The following COL18A1 variants were observed in gnomAD, a reference collection of about 807,000 sequenced individuals.
COL18A1 encodes collagen type XVIII alpha 1 chain, also known as collagen alpha-1(XVIII) chain.
Under a neutral mutation model 168.0 loss-of-function variants are expected in COL18A1, and 133 were observed. The observed-to-expected ratio is 0.79, with a 90% CI of 0.69 to 0.91. The LOEUF is 0.91. Among genes scored for constraint, COL18A1 ranks in the 40% least tolerant of loss-of-function variants. The pLI is 0.00. For synonymous variants in COL18A1, 949 were observed against 809.0 expected (o/e 1.17, Z -2.94); for missense variants, 2,126 against 1,925.4 (o/e 1.10, Z -1.95).
At position 45,473,391 on chromosome 21, in the gene COL18A1, C is replaced by T. The variant is rs1013330594; in HGVS notation, c.652-504C>T. Among the ~76,000 whole-genome samples, 32 of 152,216 alleles carry T rather than the reference C, an allele frequency of 2.1e-4. No individual in the cohort carries two copies. The highest frequency in any genetic ancestry group is 4.4e-5 in the Non-Finnish European group (3 of 68,036). Reference sequence around the variant, plus strand: ...TCCCCTACATCTGCGGCGTTTCTGTCCTTGGCTTCTGGGTTTTGTTTTTGA... The same window carrying T: ...TCCCCTACATCTGCGGCGTTTCTGTTCTTGGCTTCTGGGTTTTGTTTTTGA... On this transcript the variant is annotated intron_variant, in intron 3 of 41. Coordinates refer to ENST00000651438, the MANE Select transcript of COL18A1 (RefSeq NM_001379500.1). This position sits in a 1 kb window ranked among gnomAD's most constrained non-coding sequence, Gnocchi z 4.0.
chr21:45,420,695 T>A (rs1052088377), intron 2 of COL18A1: 1 of 152,426 alleles, frequency 6.6e-6, no homozygotes, highest in Non-Finnish European at 1.5e-5. Flanking sequence ...CCCCAGCTCC[T>A]CCCCTCCTCA....
In COL18A1 at chr21:45,477,917, C is replaced by T. The variant is rs2035737383; in HGVS notation, c.1173C>T (p.Pro391=). ...ALQTVPGPQG[P]PGPPGRDGTP... Reference sequence around the variant, plus strand: ...AAACTGTCCCCGGACCACAAGGACCCCCAGGGCCTCCGGGGAGGGACGGCA... The same window carrying T: ...AAACTGTCCCCGGACCACAAGGACCTCCAGGGCCTCCGGGGAGGGACGGCA... Residue 391 remains proline (P), a synonymous_variant, in exon 8 of 42, where the codon CCC becomes CCT. Transcript: ENST00000651438. The T allele has an allele frequency of 5.7e-6, 9 of 1,565,710 alleles. No individual in the cohort carries two copies. Among genetic ancestry groups the T allele is most frequent in the African/African-American group, 4.1e-5 (3 of 73,628 alleles).
chr21:45,484,021 ACACATGCACACACACACCTCTCCAG>A (rs2035992298), intron 15 of COL18A1, among the ~76,000 whole-genome samples: 1 of 133,290 alleles, frequency 7.5e-6, no homozygotes, highest in South Asian at 2.5e-4. Flanking sequence ...CAGCATATGT[ACACATGCACACACACACCTCTCCAG>A]CATATGTACA....
In COL18A1 at chr21:45,510,092, T is replaced by C. The variant is rs2037488547; in HGVS notation, c.3524T>C (p.Leu1175Pro). 1.2e-5 allele frequency: 19 copies of C among 1,585,600 alleles called. No individual in the cohort carries two copies. Among genetic ancestry groups the C allele is most frequent in the Middle Eastern group, 2.0e-4 (1 of 5,112 alleles). ...CACCTGGTTGCGCTCAACAGCCCCCTGTCAGGCGGCATGCGGGGCATCCGC... is the reference window on the plus strand; with the variant it reads ...CACCTGGTTGCGCTCAACAGCCCCCCGTCAGGCGGCATGCGGGGCATCCGC... ...VLHLVALNSP[L>P]SGGMRGIRGA... is the part of the protein sequence containing the mutation. The change falls in exon 40 of 42, where the codon CTG (leucine) becomes CCG (proline). Residue 1175 changes from leucine to proline, a missense_variant. Physicochemically the swap from Leu to Pro is moderately conservative, Grantham distance 98 (BLOSUM62 -3). Coordinates refer to ENST00000651438, the MANE Select transcript of COL18A1 (RefSeq NM_001379500.1).
intron 18 of COL18A1, 80 bp from the exon 19 acceptor site, chr21:45,489,401 CACCCT>C (rs1162304605): frequency 7.8e-6 from 8 of 1,022,218 alleles, no homozygotes; most frequent in Non-Finnish European, 1.2e-5. Flanking sequence ...CTGGGTAACT[CACCCT>C]TCCCTTCACC....
In COL18A1 at chr21:45,443,568, G is replaced by A. The variant is rs190178147; in HGVS notation, c.107-24674G>A. Among the ~76,000 whole-genome samples, 317 of 152,202 alleles carry A rather than the reference G, an allele frequency of 2.1e-3. No homozygotes were observed. The highest frequency in any genetic ancestry group is 7.0e-3 in the African/African-American group (291 of 41,538). On this transcript the variant is annotated intron_variant, in intron 2 of 41. Transcript: ENST00000651438. This position sits in a 1 kb window ranked among gnomAD's most constrained non-coding sequence, Gnocchi z 5.2. ...GGTCTCTCGGGACCTAGGAGGTCCCGGGGTGTGGACTGTGCTGAACTGTTC... is the reference window on the plus strand; with the variant it reads ...GGTCTCTCGGGACCTAGGAGGTCCCAGGGTGTGGACTGTGCTGAACTGTTC...
At chr21:45,454,293 C>CCTGGGGACAG (rs375108367) in intron 2 of COL18A1, among the ~76,000 whole-genome samples, 5 of 152,116 alleles carry the variant, frequency 3.3e-5, no homozygotes, top group African/African-American at 9.7e-5. Flanking sequence ...CATGTCCTGA[C>CCTGGGGACAG]CTGGGGACAG....
chr21:45,427,658 T>G (rs989612843), intron 2 of COL18A1, among the ~76,000 whole-genome samples: 1 of 152,212 alleles, frequency 6.6e-6, no homozygotes, highest in African/African-American at 2.4e-5. Flanking sequence ...TCTCTGTGCA[T>G]GCTTGTGCGT....
rs1491324273 is a variant in COL18A1, at chr21:45,405,319, C to CTGGGT, written c.12-60_12-59insTGGGT. On this transcript the variant is annotated intron_variant, in intron 1 of 41. Coordinates refer to ENST00000651438, the MANE Select transcript of COL18A1 (RefSeq NM_001379500.1). ...GGGTCGCGGGGGTCGCGGGGCTCGG[C>CTGGGT]CGGGTCCTGCGGGGGTCGCGGGGGT... 0.031 allele frequency: 23,483 copies of CTGGGT among 767,158 alleles called. 669 individuals carry two copies. The highest frequency in any genetic ancestry group is 0.15 in the African/African-American group (5,246 of 34,584). 47.5% of individuals were successfully genotyped at this position (767,158 alleles called of 1,614,324 possible).
At chr21:45,482,228 G>C (rs950895682) in intron 14 of COL18A1, 2 of 623,896 alleles carry the variant, frequency 3.2e-6, no homozygotes, top group Admixed American at 2.6e-5. Flanking sequence ...ACCCTGTGAT[G>C]ATGAGTGGAC....
At chr21:45,470,493 T>G (rs1490143982) in intron 3 of COL18A1, among the ~76,000 whole-genome samples, 2 of 109,452 alleles carry the variant, frequency 1.8e-5, no homozygotes, top group South Asian at 2.7e-4. Flanking sequence ...TTTTTTTTTG[T>G]TTTTTTTTTT....
At position 45,438,646 on chromosome 21, in the gene COL18A1, C is replaced by T. The variant is rs576478163; in HGVS notation, c.107-29596C>T. On this transcript the variant is annotated intron_variant, in intron 2 of 41. Coordinates refer to ENST00000651438, the MANE Select transcript of COL18A1 (RefSeq NM_001379500.1). Reference sequence around the variant, plus strand: ...GTGTGTGCTGTAGAGGCTAAGACCCCATTTGCACTGAGCCCTTCCATGGCT... The same window carrying T: ...GTGTGTGCTGTAGAGGCTAAGACCCTATTTGCACTGAGCCCTTCCATGGCT... 1.2e-3 allele frequency among the ~76,000 whole-genome samples: 184 copies of T among 152,350 alleles called. 1 individual carries two copies. The highest frequency in any genetic ancestry group is 1.9e-3 in the Non-Finnish European group (130 of 68,036).
chr21:45,405,305 G>C (rs1167086828), intron 1 of COL18A1, 64 bp downstream of exon 1: 120 of 608,938 alleles, frequency 2.0e-4, no homozygotes, highest in East Asian at 1.2e-3. Flanking sequence ...GGTCGCGGGG[G>C]TCGCGGGGCT....
At chr21:45,428,120 G>A (rs1248544517) in intron 2 of COL18A1, among the ~76,000 whole-genome samples, 1 of 152,222 alleles carries the variant, frequency 6.6e-6, no homozygotes, top group African/African-American at 2.4e-5. Context: ...GGCAGCTCGA[G>A]TGTGCATCTT....
At position 45,415,443 on chromosome 21, in the gene COL18A1, C is replaced by T. The variant is rs553631888; in HGVS notation, c.106+9970C>T. ...CAGGGCAGCAGCCAGGAGCTGGACA[C>T]CCAGGGCTCAGAGCTCAGGACCGGC... is the stretch of plus-strand genomic sequence containing the variant. On this transcript the variant is annotated intron_variant, in intron 2 of 41. Transcript: ENST00000651438. 3.9e-5 allele frequency among the ~76,000 whole-genome samples: 6 copies of T among 152,218 alleles called. No homozygotes were observed. The South Asian group carries it at 1.2e-3, about 32-fold the overall frequency.
intron 2 of COL18A1, among the ~76,000 whole-genome samples, chr21:45,446,121 G>C (rs1267496843): frequency 1.3e-5 from 2 of 152,286 alleles, no homozygotes; most frequent in Middle Eastern, 3.4e-3. Flanking sequence ...GTGTGAAGTA[G>C]GGATCCAGCT....
intron 41 of COL18A1, among the ~76,000 whole-genome samples, chr21:45,511,642 G>A (rs559783795): frequency 2.0e-5 from 3 of 152,208 alleles, no homozygotes; most frequent in African/African-American, 4.8e-5. Context: ...CTAGAAGAAC[G>A]CTTCGTCCCA....
At chr21:45,507,337 TGCTGGGCAGGGA>T in intron 37 of COL18A1, 2 of 602,486 alleles carry the variant, frequency 3.3e-6, no homozygotes, top group South Asian at 3.6e-5. Context: ...CAGGGCCGGG[TGCTGGGCAGGGA>T]GGGCACCCTG....
intron 36 of COL18A1, 36 bp from the exon 37 acceptor site, chr21:45,505,802 C>CGCCCTCCCT: frequency 1.3e-6 from 2 of 1,543,618 alleles, no homozygotes; most frequent in Non-Finnish European, 1.8e-6. Context: ...CCGCCCTCCC[C>CGCCCTCCCT]GCCAAGCCCC....
Sources: allele counts gnomAD v4.1 joint callset (sites outside exome capture counted in the v4.1 genomes callset), GRCh38; gene constraint gnomAD v4.1.1; non-coding constraint Gnocchi (gnomAD v3.1); transcripts MANE v1.5; gene names NCBI Gene and HGNC (gene_info 2026-07-23, HGNC 2026-07-21).